Variants in ZNF461 observed in about 807,000 individuals in gnomAD.
The protein encoded by ZNF461 is gonadotropin-inducible ovarian transcription factor-1.
A neutral mutation model predicts 18.3 loss-of-function variants in ZNF461; 16 were observed. The ratio of observed to expected loss-of-function variants is 0.88; its 90% CI spans 0.59 to 1.33. The LOEUF is 1.33. Among genes scored for constraint, ZNF461 ranks in the 40% most tolerant of loss-of-function variants. The pLI, the probability that ZNF461 is intolerant of heterozygous loss-of-function variation, is 0.00. For missense variants in ZNF461, 595 were observed against 669.9 expected (o/e 0.89, Z 1.23); for synonymous variants, 179 against 216.9 (o/e 0.83, Z 1.54).
At chr19:36,657,007 C>T (rs1001091083) in intron 3 of ZNF461, among the ~76,000 whole-genome samples, 27 of 150,354 alleles carry the variant, frequency 1.8e-4, no homozygotes, top group Non-Finnish European at 2.5e-4. Flanking sequence ...TTAGTAGAAA[C>T]GGGGTTTGGC....
rs1450600278 is a variant in ZNF461, at chr19:36,658,422, A to G, written c.13T>C (p.Leu5=). 17 of 1,602,958 alleles carry G rather than the reference A, an allele frequency of 1.1e-5. No homozygotes were observed. The highest frequency in any genetic ancestry group is 1.4e-5 in the Non-Finnish European group (17 of 1,175,946). The change falls in exon 3 of 6, where the codon TTG becomes CTG. Residue 5 remains leucine (L), a synonymous_variant. Coordinates refer to ENST00000588268, the MANE Select transcript of ZNF461 (RefSeq NM_153257.5). MAHE[L]VMFRDVAIDV... ...ATAGCCACATCTCTGAACATCACCA[A>G]CTCCTAAAATGACAAATAATAGTAC...
Position 36,637,577 on chromosome 19 carries a change from T to C in ZNF461, c.*1076A>G, listed in dbSNP as rs1238639695. 4.8e-6 allele frequency: 1 copy of C among 206,814 alleles called. No homozygotes were observed. Among genetic ancestry groups the C allele is most frequent in the African/African-American group, 2.4e-5 (1 of 41,980 alleles). The allele number at this position is 206,814 out of a possible 1,614,324, so 12.8% of individuals were successfully genotyped here. A position where few individuals can be genotyped will look rare whatever the true frequency, so the allele number is the denominator to read the frequency against. On this transcript the variant is annotated 3_prime_UTR_variant, in exon 6 of 6. Transcript: ENST00000588268. ...CGGGCATAGTGGCTGCGCATGCCTG[T>C]AGTCCCAGCTACTCAGGAGGCTGAG...
Position 36,639,826 on chromosome 19 carries a change from G to A in ZNF461, c.519C>T (p.Pro173=), listed in dbSNP as rs1429465660. ...RQLMINHENM[P]IFSQHTLLTQ... ...TGAGTAAAGTATGTTGGCTAAAAAT[G>A]GGCATGTTTTCATGGTTAATCATAA... The change falls in exon 6 of 6, where the codon CCC becomes CCT. Residue 173 remains proline, a synonymous_variant. Coordinates refer to ENST00000588268, the MANE Select transcript of ZNF461 (RefSeq NM_153257.5). The A allele has an allele frequency of 1.9e-6, 3 of 1,613,770 alleles. No individual in the cohort carries two copies. Among genetic ancestry groups the A allele is most frequent in the Non-Finnish European group, 2.5e-6 (3 of 1,179,776 alleles).
intron 4 of ZNF461, among the ~76,000 whole-genome samples, chr19:36,649,304 T>C (rs1272738059): frequency 1.3e-5 from 2 of 151,252 alleles, no homozygotes; most frequent in African/African-American, 4.9e-5. Flanking sequence ...AATTTTAAAT[T>C]CTCTTGAAAC....
chr19:36,665,302 A>T (rs1007104301), intron 1 of ZNF461, among the ~76,000 whole-genome samples: 2 of 152,236 alleles, frequency 1.3e-5, no homozygotes, highest in Non-Finnish European at 2.9e-5. Flanking sequence ...TTGAGTCTTT[A>T]GTTTGAAGTA....
At chr19:36,664,238 G>A (rs555927345) in intron 2 of ZNF461, among the ~76,000 whole-genome samples, 5 of 152,154 alleles carry the variant, frequency 3.3e-5, no homozygotes, top group South Asian at 4.1e-4. Context: ...TTCTGGCACC[G>A]TCACTTACTC....
chr19:36,644,674 C>T (rs761604302), intron 4 of ZNF461, among the ~76,000 whole-genome samples: 21 of 151,764 alleles, frequency 1.4e-4, no homozygotes, highest in South Asian at 6.2e-4. Flanking sequence ...CGGCTCACTG[C>T]GGCCTCTGAC....
At chr19:36,664,382 G>T (rs2037867376) in intron 2 of ZNF461, among the ~76,000 whole-genome samples, 2 of 152,164 alleles carry the variant, frequency 1.3e-5, no homozygotes. Context: ...GAGGCCAGGA[G>T]TTTGAGACCA....
At chr19:36,659,920 G>T (rs2037788588) in intron 2 of ZNF461, among the ~76,000 whole-genome samples, 1 of 152,066 alleles carries the variant, frequency 6.6e-6, no homozygotes, top group Non-Finnish European at 1.5e-5. Flanking sequence ...GCCTCACACA[G>T]CAAAGTCTCT....
At position 36,658,054 on chromosome 19, in the gene ZNF461, C is replaced by T; in HGVS notation, c.136+245G>A. On this transcript the variant is annotated intron_variant, in intron 3 of 5. Coordinates refer to ENST00000588268, the MANE Select transcript of ZNF461 (RefSeq NM_153257.5). ...TTAACATTGCAGATTTCCAATTCTG[C>T]CCCTTAAACATCAAGGAGGAGTTAT... The T allele has an allele frequency of 6.5e-6, 3 of 459,696 alleles. No individual in the cohort carries two copies. In the South Asian group the frequency reaches 1.0e-4, roughly 15 times the overall value. 28.5% of individuals were successfully genotyped at this position (459,696 alleles called of 1,614,324 possible). A position where few individuals can be genotyped will look rare whatever the true frequency, so the allele number is the denominator to read the frequency against.
rs2037308236 is a variant in ZNF461 at position 36,637,154 on chromosome 19, ATGCATGTTAACAT to A, written c.*1486_*1498del. On this transcript the variant is annotated 3_prime_UTR_variant, in exon 6 of 6. Transcript: ENST00000588268. The stretch of plus-strand genomic sequence containing the variant: ...TAAATCCAATAAATTGCATGTTAGA[ATGCATGTTAACAT>A]TATCTATTGGTTGTGTTTTGACAAT... The A allele has an allele frequency of 6.6e-6, 1 of 152,132 alleles. No homozygotes were observed. The highest frequency in any genetic ancestry group is 2.1e-4 in the South Asian group (1 of 4,834). The allele number at this position is 152,132 out of a possible 1,614,324, so 9.4% of individuals were successfully genotyped here.
Position 36,640,943 on chromosome 19 carries a change from A to G in ZNF461, c.302-900T>C, listed in dbSNP as rs561349314. On this transcript the variant is annotated intron_variant, in intron 5 of 5. Coordinates refer to ENST00000588268, the MANE Select transcript of ZNF461 (RefSeq NM_153257.5). The stretch of plus-strand genomic sequence containing the variant: ...GGCATGAGAATATAGGGCTTCTGCT[A>G]ACCAATATAATCTCATTTTGAGTCC... Among the ~76,000 whole-genome samples, 322 of 152,350 alleles carry G rather than the reference A, an allele frequency of 2.1e-3. 1 individual carries two copies. The highest frequency in any genetic ancestry group is 7.6e-3 in the African/African-American group (316 of 41,576).
intron 4 of ZNF461, among the ~76,000 whole-genome samples, chr19:36,654,753 A>G (rs1354328960): frequency 2.6e-5 from 4 of 151,884 alleles, no homozygotes; most frequent in Admixed American, 6.6e-5. Context: ...TAGCACCCCA[A>G]ACTTTCCTGG....
Position 36,639,932 on chromosome 19 carries a change from C to G in ZNF461, c.413G>C (p.Arg138Thr). 6.2e-7 allele frequency: 1 copy of G among 1,613,892 alleles called. No homozygotes were observed. Among genetic ancestry groups the G allele is most frequent in the South Asian group, 1.1e-5 (1 of 91,072 alleles). Residue 138 changes from arginine (R) to threonine (T), a missense_variant, in exon 6 of 6, where the codon AGA becomes ACA. Physicochemically the swap from Arg to Thr is moderately conservative, Grantham distance 71. Transcript: ENST00000588268. ...TTCCCAGATAGCGCTGAAAATTGAT[C>G]TCTCAGGACTATGGCTTTTAAATTC... ...MEEFKSHSPE[R>T]SIFSAIWEGN...
chr19:36,663,988 A>T (rs1279897935), intron 2 of ZNF461, among the ~76,000 whole-genome samples: 1 of 152,170 alleles, frequency 6.6e-6, no homozygotes, highest in East Asian at 1.9e-4. Flanking sequence ...CCACTGATTT[A>T]TTCCGTTACC....
In ZNF461 at chr19:36,638,984, G is replaced by T; in HGVS notation, c.1361C>A (p.Ser454Ter). 6.2e-7 allele frequency: 1 copy of T among 1,614,062 alleles called. No homozygotes were observed. Among genetic ancestry groups the T allele is most frequent in the East Asian group, 2.2e-5 (1 of 44,866 alleles). The part of the protein sequence containing the change: ...KECGKTFRQC[S>*]HLKRHQRIHT... ...AATTCTCTGATGTCTTTTGAGGTGT[G>T]AACACTGTCTAAAAGTCTTCCCACA... Residue 454 changes from serine to a stop codon, truncating the protein, a stop_gained, in exon 6 of 6, where the codon TCA becomes TAA. Transcript: ENST00000588268. LOFTEE classifies it low-confidence loss of function (END_TRUNC).
At chr19:36,641,828 C>T (rs1014172022) in intron 5 of ZNF461, among the ~76,000 whole-genome samples, 1 of 152,044 alleles carries the variant, frequency 6.6e-6, no homozygotes, top group Admixed American at 6.6e-5. Flanking sequence ...TAAACACATA[C>T]ATAAATAAAC....
At chr19:36,640,827 G>T (rs142288365) in intron 5 of ZNF461, among the ~76,000 whole-genome samples, 1,719 of 152,216 alleles carry the variant, frequency 0.011, 31 homozygotes, top group African/African-American at 0.039. Flanking sequence ...ACATCTATAT[G>T]GTTTCAATCG....
intron 4 of ZNF461, among the ~76,000 whole-genome samples, chr19:36,647,854 T>C (rs1435857507): frequency 6.6e-6 from 1 of 152,030 alleles, no homozygotes; most frequent in Non-Finnish European, 1.5e-5. Flanking sequence ...GCTATCCTCA[T>C]GATGGTGAGT....
Sources: gnomAD v4.1 joint callset for allele counts (sites outside exome capture counted in the v4.1 genomes callset) on GRCh38, gnomAD v4.1.1 for gene constraint, MANE v1.5 for transcripts, NCBI Gene and HGNC (gene_info 2026-07-23, HGNC 2026-07-21) for gene names.